Variants in TENM4 observed in about 807,000 individuals in gnomAD.
TENM4 encodes teneurin-4.
In TENM4, 82 loss-of-function variants were observed where a neutral mutation model predicts 243.3. That is an observed-to-expected ratio of 0.34 (90% CI 0.28 to 0.40). TENM4 has a LOEUF of 0.40. Ranked by LOEUF, TENM4 falls within the 10% of genes least tolerant of loss-of-function variation. The pLI, the probability that TENM4 is intolerant of heterozygous loss-of-function variation, is 1.00. For synonymous variants in TENM4, 1,412 were observed against 1,456.3 expected (o/e 0.97, Z 0.69); for missense variants, 3,138 against 3,673.3 (o/e 0.85, Z 3.77).
chr11:78,946,038 T>A (rs1856996254), intron 6 of TENM4, among the ~76,000 whole-genome samples: 1 of 152,208 alleles, frequency 6.6e-6, no homozygotes, highest in Admixed American at 6.5e-5. Flanking sequence ...CCAGAAAATC[T>A]AGCTAAGATT....
chr11:78,805,285 C>CCCCCCCCCCCCCCCCCCCCCCAA lies in TENM4; in HGVS notation c.2179+6_2179+7insTTGGGGGGGGGGGGGGGGGGGGG. 1 of 1,578,066 alleles carries CCCCCCCCCCCCCCCCCCCCCCAA rather than the reference C, an allele frequency of 6.3e-7. No individual in the cohort carries two copies. The highest frequency in any genetic ancestry group is 8.6e-7 in the Non-Finnish European group (1 of 1,160,308). ...TCTACCCATGCTTCTTCTCCCCCTG[C>CCCCCCCCCCCCCCCCCCCCCCAA]ATTTACCGATAGAACAGTCGTGTCC... On this transcript the variant is annotated splice_region_variant and intron_variant, in intron 15 of 33. Transcript: ENST00000278550.
At chr11:79,151,167 G>A (rs549523671) in intron 3 of TENM4, among the ~76,000 whole-genome samples, 1 of 152,222 alleles carries the variant, frequency 6.6e-6, no homozygotes, top group African/African-American at 2.4e-5. Context: ...CCCTCTGAAG[G>A]GAAGGCCTTT....
chr11:79,364,722 C>T (rs943756153), intron 1 of TENM4, among the ~76,000 whole-genome samples: 3 of 152,312 alleles, frequency 2.0e-5, no homozygotes, highest in African/African-American at 7.2e-5. Flanking sequence ...ACTGAGGCCC[C>T]AAGTTACACA....
chr11:79,065,165 C>A (rs1229238199), intron 5 of TENM4, among the ~76,000 whole-genome samples, 158 bp from the exon 6 acceptor site: 6 of 152,196 alleles, frequency 3.9e-5, no homozygotes, highest in Non-Finnish European at 5.9e-5. Context: ...ATTGCCTCTG[C>A]CTGGAGGGCT....
chr11:78,912,214 C>T (rs571327027), intron 6 of TENM4, among the ~76,000 whole-genome samples: 1 of 152,256 alleles, frequency 6.6e-6, no homozygotes, highest in East Asian at 1.9e-4. Flanking sequence ...CCTTTAAGAG[C>T]CTGGAGCCAG....
intron 1 of TENM4, among the ~76,000 whole-genome samples, chr11:79,340,512 C>T (rs1018178004): frequency 2.0e-5 from 3 of 152,126 alleles, no homozygotes; most frequent in Admixed American, 6.5e-5. Flanking sequence ...ATTTCCTGCA[C>T]GGGACATCAT....
intron 6 of TENM4, among the ~76,000 whole-genome samples, chr11:78,993,630 CCA>C (rs1198779299): frequency 6.6e-6 from 1 of 151,962 alleles, no homozygotes; most frequent in East Asian, 1.9e-4. Context: ...ACTTTTTATT[CCA>C]CAGTGTACAA....
At chr11:79,093,105 C>T (rs1860999077) in intron 4 of TENM4, 1 of 152,210 alleles carries the variant, frequency 6.6e-6, no homozygotes, top group South Asian at 2.1e-4. Context: ...CAGGCTAACA[C>T]AAGCCAAATT....
chr11:79,262,553 G>A (rs184441846), intron 2 of TENM4, among the ~76,000 whole-genome samples: 184 of 152,242 alleles, frequency 1.2e-3, no homozygotes, highest in East Asian at 0.011. Context: ...TTGAAGATCC[G>A]TCTCTTTCCC....
Position 79,344,309 on chromosome 11 carries a change from G to T in TENM4, c.-320-46766C>A, listed in dbSNP as rs181836039. Among the ~76,000 whole-genome samples the T allele has an allele frequency of 4.1e-3, 623 of 152,272 alleles. 3 individuals carry two copies. Among genetic ancestry groups the T allele is most frequent in the African/African-American group, 0.015 (609 of 41,558 alleles). On this transcript the variant is annotated intron_variant, in intron 1 of 33. Coordinates refer to ENST00000278550, the MANE Select transcript of TENM4 (RefSeq NM_001098816.3). ...GAGGCTTTAGTGAACCAGAGGCTGA[G>T]GGAAGATACGTCTCTTCCCTATGGG...
At chr11:78,997,545 A>T (rs962191680) in intron 6 of TENM4, among the ~76,000 whole-genome samples, 2 of 152,208 alleles carry the variant, frequency 1.3e-5, no homozygotes, top group Admixed American at 1.3e-4. Context: ...TCTCAGTAGG[A>T]TGGCTGCAGG....
At chr11:78,786,049 T>C (rs80156882) in intron 16 of TENM4, among the ~76,000 whole-genome samples, 2,480 of 151,888 alleles carry the variant, frequency 0.016, 65 homozygotes, top group African/African-American at 0.056. Flanking sequence ...CACAAACCGG[T>C]TGATTCAATA....
chr11:79,077,662 C>A (rs1485474430), intron 4 of TENM4, among the ~76,000 whole-genome samples: 2 of 152,116 alleles, frequency 1.3e-5, no homozygotes, highest in East Asian at 3.9e-4. Flanking sequence ...GAAAAATGAA[C>A]CTGGCACAGA....
Position 78,658,701 on chromosome 11 carries a change from G to C in TENM4, c.7667C>G (p.Thr2556Ser), listed in dbSNP as rs757198808. The change falls in exon 34 of 34, where the codon ACC becomes AGC. Residue 2556 changes from threonine to serine, a missense_variant. By Grantham distance (58) the Thr-to-Ser change is moderately conservative. This residue lies in a region of TENM4 where 2,467 missense variants were observed against 3,059.1 expected (regional missense o/e 0.81). Coordinates refer to ENST00000278550, the MANE Select transcript of TENM4 (RefSeq NM_001098816.3). ...TGAGCCGCTGGATGCAAACTTCTTG[G>C]TCTTTGGAGCCTGCTGGCAGCTGGT... ...TITSCQQAPKTKKFASSGSVF... is the reference protein window; with the variant it reads ...TITSCQQAPKSKKFASSGSVF... The C allele has an allele frequency of 1.2e-5, 20 of 1,613,994 alleles. No individual in the cohort carries two copies. Among genetic ancestry groups the C allele is most frequent in the Non-Finnish European group, 1.7e-5 (20 of 1,179,900 alleles).
chr11:78,899,453 C>T (rs888194862), intron 7 of TENM4, among the ~76,000 whole-genome samples: 1 of 149,596 alleles, frequency 6.7e-6, no homozygotes, highest in African/African-American at 2.5e-5. Flanking sequence ...TGGCACATGC[C>T]TGTAGTCCCA....
chr11:79,065,919 TC>T (rs920472425), intron 5 of TENM4, among the ~76,000 whole-genome samples: 3 of 152,192 alleles, frequency 2.0e-5, no homozygotes, highest in Non-Finnish European at 4.4e-5. Context: ...CTCCTGTACT[TC>T]TAGTATTCCC....
At chr11:78,975,201 C>A (rs1169032460) in intron 6 of TENM4, among the ~76,000 whole-genome samples, 4 of 151,752 alleles carry the variant, frequency 2.6e-5, no homozygotes, top group African/African-American at 4.8e-5. Context: ...GGGGCGACAA[C>A]TGGAAGACTC....
At chr11:79,353,762 A>G (rs1264492319) in intron 1 of TENM4, among the ~76,000 whole-genome samples, 1 of 151,846 alleles carries the variant, frequency 6.6e-6, no homozygotes. Context: ...GGAGGAAAAA[A>G]AAAAAAAAGA....
rs1857367885 is a variant in TENM4 at position 78,805,342 on chromosome 11, G to A, written c.2129C>T (p.Thr710Ile). 2 of 1,175,362 alleles carry A rather than the reference G, an allele frequency of 1.7e-6. No homozygotes were observed. The highest frequency in any genetic ancestry group is 2.2e-6 in the Non-Finnish European group (2 of 929,604). 72.8% of individuals were successfully genotyped at this position (1,175,362 alleles called of 1,614,324 possible). Residue 710 changes from threonine (T) to isoleucine (I), a missense_variant, in exon 15 of 34, where the codon ACC becomes ATC. By Grantham distance (89) the Thr-to-Ile change is moderately conservative. Coordinates refer to ENST00000278550, the MANE Select transcript of TENM4 (RefSeq NM_001098816.3). ...CSGHGTFLPD[T>I]GLCSCDPSWT... ...GCTTGGGTCACAGCTGCAAAGCCCG[G>A]TGTCCGGGAGGAAGGTTCCGTGGCC... is the stretch of plus-strand genomic sequence containing the variant.
Sources: allele counts gnomAD v4.1 joint callset (sites outside exome capture counted in the v4.1 genomes callset), GRCh38; gene constraint gnomAD v4.1.1; regional missense constraint gnomAD v4.1.1; transcripts MANE v1.5; gene names NCBI Gene and HGNC (gene_info 2026-07-23, HGNC 2026-07-21).